AMPH: variants seen among roughly 807,000 people sequenced by gnomAD.
AMPH encodes amphiphysin.
Under a neutral mutation model 99.1 loss-of-function variants are expected in AMPH, and 49 were observed. The ratio of observed to expected loss-of-function variants is 0.49; its 90% confidence interval spans 0.39 to 0.63. The LOEUF (loss-of-function observed/expected upper bound fraction) is 0.63, where lower values mean the gene tolerates loss of function less well. Among genes scored for constraint, AMPH ranks in the 20% least tolerant of loss-of-function variants. The pLI is 0.00. For synonymous variants in AMPH, 314 were observed against 317.3 expected (o/e 0.99, Z 0.11); for missense variants, 759 against 863.4 (o/e 0.88, Z 1.52).
At chr7:38,436,462 G>A in intron 11 of AMPH, 74 bp from the exon 12 acceptor site, 1 of 1,062,228 alleles carries the variant, frequency 9.4e-7, no homozygotes, top group Non-Finnish European at 1.5e-6. Context: ...TATAGCCCAT[G>A]TATACTCTCT....
chr7:38,561,243 C>G (rs181440600), intron 1 of AMPH, among the ~76,000 whole-genome samples: 18 of 152,174 alleles, frequency 1.2e-4, no homozygotes, highest in African/African-American at 4.1e-4. Flanking sequence ...TAACGAACCA[C>G]GAAGTTCCCC....
At chr7:38,574,173 T>G (rs986934580) in intron 1 of AMPH, among the ~76,000 whole-genome samples, 1 of 152,184 alleles carries the variant, frequency 6.6e-6, no homozygotes, top group Non-Finnish European at 1.5e-5. Context: ...CCACAACGAG[T>G]GATGCCAACT....
At chr7:38,422,281 C>T in intron 16 of AMPH, 140 bp downstream of exon 16, 1 of 690,094 alleles carries the variant, frequency 1.4e-6, no homozygotes. Flanking sequence ...CAGACACATT[C>T]TCTCCTGTTT....
At chr7:38,499,931 C>T (rs576418862) in intron 3 of AMPH, among the ~76,000 whole-genome samples, 1 of 152,322 alleles carries the variant, frequency 6.6e-6, no homozygotes, top group Non-Finnish European at 1.5e-5. Context: ...CCACGCAAGA[C>T]ATGCCTTTGC....
chr7:38,564,769 G>A (rs1238252158), intron 1 of AMPH, among the ~76,000 whole-genome samples: 1 of 152,018 alleles, frequency 6.6e-6, no homozygotes, highest in African/African-American at 2.4e-5. Flanking sequence ...TTTGTAGGTC[G>A]AAGTGGTGAA....
intron 11 of AMPH, among the ~76,000 whole-genome samples, chr7:38,441,485 G>A (rs969354954): frequency 2.6e-5 from 4 of 151,816 alleles, no homozygotes; most frequent in Non-Finnish European, 4.4e-5. Flanking sequence ...CATCAAATAG[G>A]TCTCAACTAA....
intron 1 of AMPH, among the ~76,000 whole-genome samples, chr7:38,624,025 A>C (rs1794157492): frequency 6.6e-6 from 1 of 152,186 alleles, no homozygotes; most frequent in Non-Finnish European, 1.5e-5. Flanking sequence ...TTGCTGTACT[A>C]TTTTCACAAA....
At chr7:38,566,865 T>C (rs1791763174) in intron 1 of AMPH, among the ~76,000 whole-genome samples, 1 of 152,184 alleles carries the variant, frequency 6.6e-6, no homozygotes, top group East Asian at 1.9e-4. Flanking sequence ...GTTAGAATGG[T>C]GATCATTAAA....
In AMPH at chr7:38,464,360, CCT is replaced by C. The variant is rs543422244; in HGVS notation, c.749+1105_749+1106del. Among the ~76,000 whole-genome samples the C allele has an allele frequency of 4.6e-5, 7 of 152,278 alleles. No individual in the cohort carries two copies. The South Asian group carries it at 1.4e-3, about 32-fold the overall frequency. On this transcript the variant is annotated intron_variant, in intron 9 of 20. Coordinates refer to ENST00000356264, the MANE Select transcript of AMPH (RefSeq NM_001635.4). ...AACCATACTGAAAACAGTAACTCTG[CCT>C]CTCTTATGTATTCTTTCAGGCAATA...
chr7:38,539,779 G>A (rs12538952), intron 1 of AMPH, among the ~76,000 whole-genome samples: 12,624 of 152,116 alleles, frequency 0.083, 827 homozygotes, highest in East Asian at 0.31. Flanking sequence ...GAAACTCTAG[G>A]CCCCACTGAG....
chr7:38,630,201 C>T (rs981433063), intron 1 of AMPH, among the ~76,000 whole-genome samples: 2 of 152,204 alleles, frequency 1.3e-5, no homozygotes, highest in African/African-American at 4.8e-5. Flanking sequence ...TGAAAGAGAA[C>T]ACAGTTCAAG....
At chr7:38,619,497 T>C (rs1793983609) in intron 1 of AMPH, among the ~76,000 whole-genome samples, 1 of 152,172 alleles carries the variant, frequency 6.6e-6, no homozygotes, top group South Asian at 2.1e-4. Context: ...AACATCTAGA[T>C]AGAAGATCAA....
chr7:38,546,600 G>A (rs1323166071), intron 1 of AMPH, among the ~76,000 whole-genome samples: 1 of 152,124 alleles, frequency 6.6e-6, no homozygotes, highest in Non-Finnish European at 1.5e-5. Flanking sequence ...ACCAGTATGT[G>A]CTTTGGGCAA....
At chr7:38,565,837 T>C (rs544279342) in intron 1 of AMPH, among the ~76,000 whole-genome samples, 2 of 152,352 alleles carry the variant, frequency 1.3e-5, no homozygotes, top group Admixed American at 1.3e-4. Context: ...TCACCCATTC[T>C]TATCTTTTCC....
At chr7:38,579,223 C>G (rs191086198) in intron 1 of AMPH, among the ~76,000 whole-genome samples, 5 of 152,288 alleles carry the variant, frequency 3.3e-5, no homozygotes, top group Admixed American at 3.3e-4. Context: ...TCTAGCTGTT[C>G]TGTAGTGTGC....
intron 5 of AMPH, among the ~76,000 whole-genome samples, chr7:38,488,283 A>G (rs1326547158): frequency 6.6e-6 from 1 of 152,194 alleles, no homozygotes; most frequent in East Asian, 1.9e-4. Context: ...CCAAATGCCC[A>G]TCAATGATAG....
intron 17 of AMPH, among the ~76,000 whole-genome samples, chr7:38,407,477 A>G (rs1433585382): frequency 2.6e-5 from 4 of 152,002 alleles, no homozygotes; most frequent in Non-Finnish European, 2.9e-5. Context: ...GACGGAGAGG[A>G]GGCTGAAGGT....
intron 17 of AMPH, among the ~76,000 whole-genome samples, chr7:38,407,616 T>A (rs1406752207): frequency 2.0e-5 from 3 of 151,846 alleles, no homozygotes; most frequent in Non-Finnish European, 4.4e-5. Context: ...TAAAATAAAA[T>A]TTAAAAATTT....
chr7:38,592,192 C>A (rs1792882147), intron 1 of AMPH, among the ~76,000 whole-genome samples: 1 of 152,198 alleles, frequency 6.6e-6, no homozygotes, highest in Non-Finnish European at 1.5e-5. Flanking sequence ...TTCAGGAATG[C>A]CTTTAAGCGG....
Sources: allele counts gnomAD v4.1 joint callset (sites outside exome capture counted in the v4.1 genomes callset), GRCh38; gene constraint gnomAD v4.1.1; transcripts MANE v1.5; gene names NCBI Gene and HGNC (gene_info 2026-07-23, HGNC 2026-07-21).